The following NF1 variants were observed in gnomAD, a reference collection of about 807,000 sequenced individuals.
NF1 encodes neurofibromin.
A neutral mutation model predicts 325.7 loss-of-function variants in NF1; 122 were observed. That is an observed-to-expected ratio of 0.37 (90% CI 0.32 to 0.44). The LOEUF (loss-of-function observed/expected upper bound fraction) is 0.44. Ranked by LOEUF, NF1 falls within the 20% of genes least tolerant of loss-of-function variation. The probability of loss-of-function intolerance (pLI) is 1.00; values close to 1 mark genes in which losing one functional copy is unlikely to be tolerated. For synonymous variants in NF1, 1,091 were observed against 1,186.0 expected, an observed-to-expected ratio of 0.92 and a Z score of 1.65; for missense variants, 2,140 against 3,415.4, an observed-to-expected ratio of 0.63 and a Z score of 9.31.
Position 31,349,113 on chromosome 17 carries a change from T to G in NF1, c.7190-7T>G, listed in dbSNP as rs779081215. On this transcript the variant is annotated splice_region_variant and splice_polypyrimidine_tract_variant and intron_variant, in intron 48 of 57. Coordinates refer to ENST00000358273, the MANE Select transcript of NF1 (RefSeq NM_001042492.3). ...TGTTTGTTTGTTTGTTTGTTTGTTTTTTGTAGGGTACAGGCATCCTTCACC... is the reference window on the plus strand; with the variant it reads ...TGTTTGTTTGTTTGTTTGTTTGTTTGTTGTAGGGTACAGGCATCCTTCACC... The G allele has an allele frequency of 7.6e-6, 12 of 1,576,502 alleles. No individual in the cohort carries two copies. Among genetic ancestry groups the G allele is most frequent in the Middle Eastern group, 1.7e-4 (1 of 6,008 alleles).
chr17:31,297,706 T>A (rs916129010), intron 36 of NF1, among the ~76,000 whole-genome samples: 4 of 152,190 alleles, frequency 2.6e-5, no homozygotes, highest in Non-Finnish European at 5.9e-5. Context: ...GTCACTTTTT[T>A]AATATTATAA....
At chr17:31,362,102 G>T (rs933821430) in intron 57 of NF1, among the ~76,000 whole-genome samples, 1 of 152,076 alleles carries the variant, frequency 6.6e-6, no homozygotes, top group Admixed American at 6.6e-5. Context: ...TTTCACCTCA[G>T]ATCTGCACAA....
rs146162096 is a variant in NF1, at chr17:31,335,801, C to T, written c.6007-532C>T. Among the ~76,000 whole-genome samples the T allele has an allele frequency of 2.0e-3, 300 of 151,894 alleles. 2 individuals are homozygous for T. Among genetic ancestry groups the T allele is most frequent in the African/African-American group, 6.9e-3 (287 of 41,412 alleles). ...TCAAGTGACCCTTCCACCTCAGCCT[C>T]CCAAGTAGCTGGGCCTACAGGTGCA... On this transcript the variant is annotated intron_variant, in intron 40 of 57. Coordinates refer to ENST00000358273, the MANE Select transcript of NF1 (RefSeq NM_001042492.3).
At chr17:31,164,444 G>T (rs1322777705) in intron 4 of NF1, among the ~76,000 whole-genome samples, 1 of 152,164 alleles carries the variant, frequency 6.6e-6, no homozygotes, top group Non-Finnish European at 1.5e-5. Flanking sequence ...TCTAAGGCAA[G>T]TAAAGTCAGA....
At chr17:31,323,590 GTC>G (rs1461929998) in intron 36 of NF1, among the ~76,000 whole-genome samples, 1 of 152,126 alleles carries the variant, frequency 6.6e-6, no homozygotes, top group African/African-American at 2.4e-5. Context: ...GGCAGTTATG[GTC>G]TCTCCACAAT....
chr17:31,122,927 C>CT (rs1358955254), intron 1 of NF1, among the ~76,000 whole-genome samples: 1 of 151,830 alleles, frequency 6.6e-6, no homozygotes, highest in Admixed American at 6.6e-5. Context: ...CTGCATCTTT[C>CT]TTTTTTTTAA....
At chr17:31,235,302 C>T (rs1346341562) in intron 27 of NF1, among the ~76,000 whole-genome samples, 1 of 152,174 alleles carries the variant, frequency 6.6e-6, no homozygotes, top group Admixed American at 6.6e-5. Context: ...TGTTTCTGCT[C>T]TCTTTCATTT....
rs1555533292 is a variant in NF1 at position 31,325,876 on chromosome 17, T to C, written c.4892T>C (p.Leu1631Ser). The C allele has an allele frequency of 6.2e-7, 1 of 1,614,230 alleles. No homozygotes were observed. Among genetic ancestry groups the C allele is most frequent in the Non-Finnish European group, 8.5e-7 (1 of 1,180,026 alleles). ...CTGATATACCATGTCTTACTGACTT[T>C]AAAGCCATATTATGCAAAGCCATAT... ...DLLIYHVLLT[L>S]KPYYAKPYEI... is the part of the protein sequence containing the mutation. Residue 1631 changes from leucine (L) to serine (S), a missense_variant, in exon 37 of 58, where the codon TTA becomes TCA. By Grantham distance (145) the Leu-to-Ser change is moderately radical. Around this residue, in one of 10 missense-constraint regions of NF1, gnomAD observed 103 missense variants for 214.6 expected, o/e 0.48. Transcript: ENST00000358273.
intron 36 of NF1, among the ~76,000 whole-genome samples, chr17:31,274,227 C>T (rs1462164174): frequency 2.0e-5 from 3 of 152,022 alleles, no homozygotes; most frequent in African/African-American, 2.4e-5. Flanking sequence ...TGTATTAAAC[C>T]AGTCACCTTG....
intron 57 of NF1, among the ~76,000 whole-genome samples, chr17:31,364,940 T>C (rs2070481175): frequency 6.6e-6 from 1 of 152,228 alleles, no homozygotes; most frequent in African/African-American, 2.4e-5. Context: ...TTTGATATTA[T>C]GATCCTTATT....
At chr17:31,253,589 A>G (rs2067530088) in intron 31 of NF1, 1 of 152,908 alleles carries the variant, frequency 6.5e-6, no homozygotes, top group Non-Finnish European at 1.5e-5. Context: ...GAGGTAAATG[A>G]TAAGATAGTA....
At chr17:31,126,214 T>C (rs1465839024) in intron 1 of NF1, among the ~76,000 whole-genome samples, 2 of 152,070 alleles carry the variant, frequency 1.3e-5, no homozygotes, top group Admixed American at 1.3e-4. Flanking sequence ...AAATTATGTA[T>C]CTGGTGGGTA....
intron 4 of NF1, among the ~76,000 whole-genome samples, chr17:31,167,298 G>A (rs2065861899): frequency 6.6e-6 from 1 of 152,162 alleles, no homozygotes; most frequent in Admixed American, 6.5e-5. Flanking sequence ...GAAATGCTGA[G>A]CTTTTCTTAC....
At chr17:31,306,405 GATAGAC>G (rs1597802737) in intron 36 of NF1, among the ~76,000 whole-genome samples, 1 of 152,006 alleles carries the variant, frequency 6.6e-6, no homozygotes, top group East Asian at 1.9e-4. Flanking sequence ...TATATAGATA[GATAGAC>G]ATAGATATAG....
At chr17:31,120,467 CTT>C (rs1914329352) in intron 1 of NF1, among the ~76,000 whole-genome samples, 1 of 152,130 alleles carries the variant, frequency 6.6e-6, no homozygotes, top group African/African-American at 2.4e-5. Context: ...TATCCTGAAA[CTT>C]TGCTGAAGTT....
At chr17:31,216,612 G>A (rs1365497958) in intron 13 of NF1, among the ~76,000 whole-genome samples, 1 of 151,990 alleles carries the variant, frequency 6.6e-6, no homozygotes, top group African/African-American at 2.4e-5. Context: ...TCTCCACACT[G>A]AAGTTATGGC....
chr17:31,363,639 T>C (rs1214911550), intron 57 of NF1, among the ~76,000 whole-genome samples: 1 of 151,532 alleles, frequency 6.6e-6, no homozygotes, highest in African/African-American at 2.4e-5. Flanking sequence ...GGTTTTATGG[T>C]GTTAGCCAGG....
chr17:31,120,976 T>C (rs535463152), intron 1 of NF1, among the ~76,000 whole-genome samples: 1 of 152,198 alleles, frequency 6.6e-6, no homozygotes, highest in East Asian at 1.9e-4. Context: ...TACCAAAATT[T>C]AATAAAACAC....
At chr17:31,319,031 G>A in intron 36 of NF1, 2 of 1,573,358 alleles carry the variant, frequency 1.3e-6, no homozygotes, top group African/African-American at 1.4e-5. Context: ...AATCTGTTGG[G>A]ATAGCAATAT....
Sources: gnomAD v4.1 joint callset for allele counts (sites outside exome capture counted in the v4.1 genomes callset) on GRCh38, gnomAD v4.1.1 for gene constraint, gnomAD v4.1.1 regional missense constraint, MANE v1.5 for transcripts, NCBI Gene and HGNC (gene_info 2026-07-23, HGNC 2026-07-21) for gene names.